UGGT2: variants seen among roughly 807,000 people sequenced by gnomAD.
UGGT2 encodes UDP-glucose:glycoprotein glucosyltransferase 2.
UGGT2 carries 180 observed loss-of-function variants against 192.1 expected under a neutral mutation model. That is an observed-to-expected ratio of 0.94 (90% CI 0.83 to 1.06). The LOEUF (loss-of-function observed/expected upper bound fraction) is 1.06. Among genes scored for constraint, UGGT2 ranks in the 50% least tolerant of loss-of-function variants. The pLI, the probability that UGGT2 is intolerant of heterozygous loss-of-function variation, is 0.00. For missense variants in UGGT2, 1,849 were observed against 1,795.7 expected, an observed-to-expected ratio of 1.03 and a Z score of -0.54; for synonymous variants, 580 against 591.0, an observed-to-expected ratio of 0.98 and a Z score of 0.27.
chr13:95,952,948 G>A (rs2140641215), intron 12 of UGGT2, among the ~76,000 whole-genome samples: 1 of 152,232 alleles, frequency 6.6e-6, no homozygotes, highest in South Asian at 2.1e-4. Context: ...CTTTTATGGA[G>A]TGACTCTTAC....
At chr13:96,038,202 T>C (rs2053062005) in intron 1 of UGGT2, among the ~76,000 whole-genome samples, 1 of 152,224 alleles carries the variant, frequency 6.6e-6, no homozygotes, top group Non-Finnish European at 1.5e-5. Flanking sequence ...GTACCTTTTG[T>C]TGAATTAGCA....
intron 37 of UGGT2, among the ~76,000 whole-genome samples, chr13:95,835,976 T>C (rs1220271702): frequency 6.6e-6 from 1 of 152,208 alleles, no homozygotes. Context: ...ATTGGCAGGA[T>C]AACTAAACTG....
At chr13:95,937,222 T>C in intron 16 of UGGT2, 134 bp from the exon 17 acceptor site, 1 of 1,038,628 alleles carries the variant, frequency 9.6e-7, no homozygotes, top group Non-Finnish European at 1.4e-6. Flanking sequence ...TATCTGTCCT[T>C]TCCAAACATT....
intron 12 of UGGT2, among the ~76,000 whole-genome samples, chr13:95,965,072 A>G (rs1374166255): frequency 6.6e-6 from 1 of 150,860 alleles, no homozygotes; most frequent in Non-Finnish European, 1.5e-5. Flanking sequence ...AATGGCGATC[A>G]TTAAAAAGTC....
chr13:96,053,340 C>G lies in UGGT2; in HGVS notation c.-28G>C, dbSNP rs1290863495. The G allele has an allele frequency of 6.4e-7, 1 of 1,574,280 alleles. No homozygotes were observed. On this transcript the variant is annotated 5_prime_UTR_variant, in exon 1 of 39. Transcript: ENST00000376747. ...CACGGAGAGAAAAGCGCGAGTCCCT[C>G]GGACCCGGTACCCACAGTCTGTGGC...
At chr13:95,975,985 TC>T (rs1458674877) in intron 10 of UGGT2, among the ~76,000 whole-genome samples, 1 of 152,098 alleles carries the variant, frequency 6.6e-6, no homozygotes, top group African/African-American at 2.4e-5. Context: ...AATCCACTCT[TC>T]CAGTTAAAGT....
intron 4 of UGGT2, among the ~76,000 whole-genome samples, chr13:96,022,813 T>C (rs1041799639): frequency 6.6e-6 from 1 of 152,060 alleles, no homozygotes; most frequent in South Asian, 2.1e-4. Flanking sequence ...GTTATGCTTA[T>C]ATGAAACATT....
At chr13:95,976,877 G>A (rs1211376160) in intron 10 of UGGT2, among the ~76,000 whole-genome samples, 9 of 152,094 alleles carry the variant, frequency 5.9e-5, no homozygotes, top group Admixed American at 5.9e-4. Flanking sequence ...AGAAAACAGA[G>A]GTCTCAGAAA....
chr13:95,943,193 A>T (rs1274060173), intron 15 of UGGT2, among the ~76,000 whole-genome samples: 1 of 152,098 alleles, frequency 6.6e-6, no homozygotes, highest in Non-Finnish European at 1.5e-5. Context: ...TCATTCTTCC[A>T]TATAAATTTT....
At chr13:96,047,437 A>C (rs577479268) in intron 1 of UGGT2, among the ~76,000 whole-genome samples, 4 of 152,368 alleles carry the variant, frequency 2.6e-5, no homozygotes, top group Admixed American at 1.3e-4. Context: ...ACTAACAAAC[A>C]GAAAGGACAT....
chr13:95,962,138 G>T (rs1486506745), intron 12 of UGGT2, among the ~76,000 whole-genome samples: 3 of 151,864 alleles, frequency 2.0e-5, no homozygotes, highest in African/African-American at 7.3e-5. Flanking sequence ...AAAGGAGAAA[G>T]ATTCAAATAA....
chr13:96,028,202 G>A (rs1157995429), intron 2 of UGGT2, among the ~76,000 whole-genome samples: 2 of 152,062 alleles, frequency 1.3e-5, no homozygotes, highest in African/African-American at 2.4e-5. Context: ...TCAGCTTACC[G>A]ATATATTTAT....
chr13:96,048,923 T>C (rs921545044), intron 1 of UGGT2, among the ~76,000 whole-genome samples: 6 of 152,162 alleles, frequency 3.9e-5, no homozygotes, highest in African/African-American at 1.4e-4. Flanking sequence ...GCTGGTACCA[T>C]TCTTTCTTAA....
At chr13:95,864,917 C>T (rs1317169971) in intron 30 of UGGT2, among the ~76,000 whole-genome samples, 17 of 152,160 alleles carry the variant, frequency 1.1e-4, no homozygotes, top group African/African-American at 1.2e-4. Context: ...TTTACCTTCA[C>T]ATTTGATTAA....
At chr13:95,907,652 G>C (rs941275670) in intron 20 of UGGT2, among the ~76,000 whole-genome samples, 3 of 152,226 alleles carry the variant, frequency 2.0e-5, no homozygotes, top group African/African-American at 7.2e-5. Flanking sequence ...ACTTGCAGCT[G>C]AGGGACCTGT....
chr13:95,888,002 T>A, intron 25 of UGGT2, 31 bp from the exon 26 acceptor site: 2 of 1,394,402 alleles, frequency 1.4e-6, no homozygotes, highest in Non-Finnish European at 1.0e-6. Flanking sequence ...TGTTTGATAT[T>A]AAATAATATT....
At chr13:95,914,612 T>TAAAAAAAAAAA (rs146990164) in intron 20 of UGGT2, among the ~76,000 whole-genome samples, 6 of 80,998 alleles carry the variant, frequency 7.4e-5, no homozygotes, top group African/African-American at 2.5e-4. Context: ...CCATCTCTAC[T>TAAAAAAAAAAA]AAAAAAAAAA....
chr13:95,951,051 G>A (rs1427719330), intron 12 of UGGT2, among the ~76,000 whole-genome samples: 1 of 152,160 alleles, frequency 6.6e-6, no homozygotes, highest in East Asian at 1.9e-4. Flanking sequence ...CCAGGTATGA[G>A]TTTATTGTGG....
chr13:95,974,010 G>T (rs548617676), intron 10 of UGGT2, among the ~76,000 whole-genome samples: 1 of 152,142 alleles, frequency 6.6e-6, no homozygotes, highest in South Asian at 2.1e-4. Context: ...ACATAATAGG[G>T]ACTTGTGTGA....
Sources: gnomAD v4.1 joint callset for allele counts (sites outside exome capture counted in the v4.1 genomes callset) on GRCh38, gnomAD v4.1.1 for gene constraint, MANE v1.5 for transcripts, NCBI Gene and HGNC (gene_info 2026-07-23, HGNC 2026-07-21) for gene names.